KCNQ1: variants seen among roughly 807,000 people sequenced by gnomAD.
KCNQ1 encodes potassium voltage-gated channel subfamily KQT member 1.
A neutral mutation model predicts 72.4 loss-of-function variants in KCNQ1; 49 were observed. The observed-to-expected ratio is 0.68, with a 90% CI of 0.54 to 0.86. KCNQ1 has a LOEUF of 0.86. Ranked by LOEUF, KCNQ1 falls within the 40% of genes least tolerant of loss-of-function variation. The probability of loss-of-function intolerance (pLI) is 0.00; values close to 1 mark genes in which losing one functional copy is unlikely to be tolerated. For synonymous variants in KCNQ1, 450 were observed against 412.6 expected (o/e 1.09, Z -1.10); for missense variants, 790 against 945.1 (o/e 0.84, Z 2.15).
Position 2,654,250 on chromosome 11 carries a change from C to T in KCNQ1, c.1394-7711C>T, listed in dbSNP as rs752705004. ...CCGGATGCCCCTGGGGAGGGCTTCTCCTTCACAGTGCAGGATCCGCAGGGC... is the reference window on the plus strand; with the variant it reads ...CCGGATGCCCCTGGGGAGGGCTTCTTCTTCACAGTGCAGGATCCGCAGGGC... On this transcript the variant is annotated intron_variant, in intron 10 of 15. Coordinates refer to ENST00000155840, the MANE Select transcript of KCNQ1 (RefSeq NM_000218.3). This position sits in a 1 kb window ranked among gnomAD's most constrained non-coding sequence, Gnocchi z 6.4. 4 of 398,690 alleles carry T rather than the reference C, an allele frequency of 1.0e-5. No homozygotes were observed. Among genetic ancestry groups the T allele is most frequent in the Non-Finnish European group, 1.8e-5 (4 of 226,196 alleles). The allele number at this position is 398,690 out of a possible 1,614,324, so 24.7% of individuals were successfully genotyped here. A position where few individuals can be genotyped will look rare whatever the true frequency, so the allele number is the denominator to read the frequency against.
rs926387549 is a variant in KCNQ1 at position 2,766,260 on chromosome 11, C to T, written c.1515-2584C>T. Reference sequence around the variant, plus strand: ...TCTGTTAGCTCACAAATCTATGGGTCAGCAATCTGGGCTGCCCAGTTGGGT... The same window carrying T: ...TCTGTTAGCTCACAAATCTATGGGTTAGCAATCTGGGCTGCCCAGTTGGGT... On this transcript the variant is annotated intron_variant, in intron 11 of 15. Transcript: ENST00000155840. The surrounding 1 kb of genome is among the most constrained non-coding windows in gnomAD (Gnocchi z 4.4). 2.0e-5 allele frequency among the ~76,000 whole-genome samples: 3 copies of T among 152,186 alleles called. No homozygotes were observed. The highest frequency in any genetic ancestry group is 7.2e-5 in the African/African-American group (3 of 41,438).
Position 2,775,980 on chromosome 11 carries a change from T to C in KCNQ1, c.1611T>C (p.Asp537=), listed in dbSNP as rs1590081349. The change falls in exon 13 of 16, where the codon GAT becomes GAC. Residue 537 remains aspartate (D), a synonymous_variant. Transcript: ENST00000155840. ...KKFQQARKPY[D]VRDVIEQYSQ... is the part of the protein sequence containing the mutation. ...CGCAGCAAGCGCGGAAGCCTTACGATGTGCGGGACGTCATTGAGCAGTACT... is the reference window on the plus strand; with the variant it reads ...CGCAGCAAGCGCGGAAGCCTTACGACGTGCGGGACGTCATTGAGCAGTACT... 11 of 1,566,784 alleles carry C rather than the reference T, an allele frequency of 7.0e-6. No homozygotes were observed. The highest frequency in any genetic ancestry group is 9.5e-6 in the Non-Finnish European group (11 of 1,155,768).
Position 2,653,630 on chromosome 11 carries a change from G to A in KCNQ1, c.1394-8331G>A, listed in dbSNP as rs186142696. 96 of 398,558 alleles carry A rather than the reference G, an allele frequency of 2.4e-4. No individual in the cohort carries two copies. The East Asian group carries it at 3.3e-3, about 14-fold the overall frequency. 24.7% of individuals were successfully genotyped at this position (398,558 alleles called of 1,614,324 possible). On this transcript the variant is annotated intron_variant, in intron 10 of 15. Coordinates refer to ENST00000155840, the MANE Select transcript of KCNQ1 (RefSeq NM_000218.3). This position sits in a 1 kb window ranked among gnomAD's most constrained non-coding sequence, Gnocchi z 5.3. ...CCCCATGGGATGGCTGTATCCTTAG[G>A]CAGCTACTTTCTAAAAGGGGCAAAA... is the stretch of plus-strand genomic sequence containing the variant.
In KCNQ1 at chr11:2,694,740, T is replaced by G. The variant is rs1590037470; in HGVS notation, c.1514+32659T>G. On this transcript the variant is annotated intron_variant, in intron 11 of 15. Transcript: ENST00000155840. Reference sequence around the variant, plus strand: ...AAGAGATAGGCAGCCAACAAATAAGTAGATGTCTAAGGAACTAGAAAAGCG... The same window carrying G: ...AAGAGATAGGCAGCCAACAAATAAGGAGATGTCTAAGGAACTAGAAAAGCG... 6 of 398,366 alleles carry G rather than the reference T, an allele frequency of 1.5e-5. No homozygotes were observed. The East Asian group carries it at 1.8e-4, about 12-fold the overall frequency. 24.7% of individuals were successfully genotyped at this position (398,366 alleles called of 1,614,324 possible). A position where few individuals can be genotyped will look rare whatever the true frequency, so the allele number is the denominator to read the frequency against.
At chr11:2,638,973 A>G (rs965326920) in intron 10 of KCNQ1, 2 of 152,136 alleles carry the variant, frequency 1.3e-5, no homozygotes, top group African/African-American at 2.4e-5. Context: ...TTGATCTTCA[A>G]TCACCGATAT....
intron 10 of KCNQ1, chr11:2,609,661 G>C (rs1473237651): frequency 2.5e-6 from 1 of 398,312 alleles, no homozygotes; most frequent in Non-Finnish European, 4.4e-6. Flanking sequence ...CTATTTCTCT[G>C]TTCAGTTCTG....
At chr11:2,814,877 G>A (rs1156916541) in intron 15 of KCNQ1, among the ~76,000 whole-genome samples, 1 of 152,200 alleles carries the variant, frequency 6.6e-6, no homozygotes, top group Non-Finnish European at 1.5e-5. Context: ...TCATCAGAGG[G>A]TACTGTTGGA....
At chr11:2,504,769 G>A (rs114790297) in intron 1 of KCNQ1, among the ~76,000 whole-genome samples, 2,356 of 152,208 alleles carry the variant, frequency 0.015, 59 homozygotes, top group African/African-American at 0.05. Flanking sequence ...TAAATAAGAC[G>A]AAAAGAGTAT....
rs530516812 is a variant in KCNQ1 at position 2,550,881 on chromosome 11, AGG to A, written c.478-19740_478-19739del. On this transcript the variant is annotated intron_variant, in intron 2 of 15. Coordinates refer to ENST00000155840, the MANE Select transcript of KCNQ1 (RefSeq NM_000218.3). The surrounding 1 kb of genome is among the most constrained non-coding windows in gnomAD (Gnocchi z 6.0). ...GGGTGCCTGGGGAGGCTGCCAAGTGAGGGGGGGGCACAGACTGAGACAGGGTC... is the reference window on the plus strand; with the variant it reads ...GGGTGCCTGGGGAGGCTGCCAAGTGAGGGGGGCACAGACTGAGACAGGGTC... Among the ~76,000 whole-genome samples the A allele has an allele frequency of 6.7e-6, 1 of 150,300 alleles. No homozygotes were observed. The highest frequency in any genetic ancestry group is 1.5e-5 in the Non-Finnish European group (1 of 67,472).
Position 2,603,783 on chromosome 11 carries a change from C to T in KCNQ1, c.1393+14929C>T, listed in dbSNP as rs576712640. On this transcript the variant is annotated intron_variant, in intron 10 of 15. Transcript: ENST00000155840. This position sits in a 1 kb window ranked among gnomAD's most constrained non-coding sequence, Gnocchi z 4.1. ...TCGGCTCACTGCAACCTCCGCCTCC[C>T]GGGTTCAAGCAATTCACCCGCCTCA... Among the ~76,000 whole-genome samples, 16 of 152,144 alleles carry T rather than the reference C, an allele frequency of 1.1e-4. 1 individual carries two copies. In the East Asian group the frequency reaches 2.1e-3, roughly 20 times the overall value.
chr11:2,559,448 G>A lies in KCNQ1; in HGVS notation c.478-11180G>A, dbSNP rs965483222. ...GGGAGGGCCAGCCCCTGTGGTTTTA[G>A]CCTCCTGAGAGTCTCCCCAGACAGC... On this transcript the variant is annotated intron_variant, in intron 2 of 15. Transcript: ENST00000155840. This position sits in a 1 kb window ranked among gnomAD's most constrained non-coding sequence, Gnocchi z 4.9. Among the ~76,000 whole-genome samples, 2 of 152,164 alleles carry A rather than the reference G, an allele frequency of 1.3e-5. No individual in the cohort carries two copies. Among genetic ancestry groups the A allele is most frequent in the Admixed American group, 6.5e-5 (1 of 15,288 alleles).
At chr11:2,456,954 A>ACC (rs1246508468) in intron 1 of KCNQ1, among the ~76,000 whole-genome samples, 13 of 139,626 alleles carry the variant, frequency 9.3e-5, no homozygotes, top group African/African-American at 2.9e-4. Context: ...AAAAAAAAAA[A>ACC]AAAAAAAAAA....
chr11:2,692,105 C>T, intron 11 of KCNQ1: 1 of 398,746 alleles, frequency 2.5e-6, no homozygotes, highest in Non-Finnish European at 4.4e-6. Flanking sequence ...CTCTCCACAG[C>T]CTCCATCATT....
At chr11:2,631,727 G>A (rs1039813688) in intron 10 of KCNQ1, 3 of 398,432 alleles carry the variant, frequency 7.5e-6, no homozygotes, top group Non-Finnish European at 1.3e-5. Context: ...GCCCAGATGA[G>A]GATATAATGG....
chr11:2,594,399 A>G (rs2133768986), intron 10 of KCNQ1, among the ~76,000 whole-genome samples: 1 of 152,220 alleles, frequency 6.6e-6, no homozygotes, highest in East Asian at 1.9e-4. Context: ...AAGGTGGTGC[A>G]TTATTTTTAT....
chr11:2,542,350 C>T (rs759595357), intron 2 of KCNQ1, among the ~76,000 whole-genome samples: 1 of 152,244 alleles, frequency 6.6e-6, no homozygotes, highest in South Asian at 2.1e-4. Flanking sequence ...GTGTAAGGGG[C>T]CCCGTGCCCA....
rs570420688 is a variant in KCNQ1 at position 2,669,530 on chromosome 11, A to G, written c.1514+7449A>G. ...CTAATGGTTTGATGTATGTTCGCTG[A>G]ATCCAGGGACAAGGTCTGTCAGGGA... On this transcript the variant is annotated intron_variant, in intron 11 of 15. Transcript: ENST00000155840. The surrounding 1 kb of genome is among the most constrained non-coding windows in gnomAD (Gnocchi z 5.6). The G allele has an allele frequency of 2.5e-4, 101 of 398,640 alleles. No homozygotes were observed. The South Asian group carries it at 8.3e-3, about 33-fold the overall frequency. The allele number at this position is 398,640 out of a possible 1,614,324, so 24.7% of individuals were successfully genotyped here. A position where few individuals can be genotyped will look rare whatever the true frequency, so the allele number is the denominator to read the frequency against.
At chr11:2,557,131 G>T (rs1848084096) in intron 2 of KCNQ1, among the ~76,000 whole-genome samples, 1 of 152,178 alleles carries the variant, frequency 6.6e-6, no homozygotes, top group Admixed American at 6.5e-5. Context: ...CCAAAGAGAG[G>T]CCAAGAAACT....
At chr11:2,751,348 C>T (rs1173466234) in intron 11 of KCNQ1, among the ~76,000 whole-genome samples, 3 of 152,358 alleles carry the variant, frequency 2.0e-5, no homozygotes, top group East Asian at 1.9e-4. Context: ...TCAGCAGAAA[C>T]GGACGCCAGC....
Sources: gnomAD v4.1 joint callset for allele counts (sites outside exome capture counted in the v4.1 genomes callset) on GRCh38, gnomAD v4.1.1 for gene constraint, Gnocchi (gnomAD v3.1) non-coding constraint, MANE v1.5 for transcripts, NCBI Gene and HGNC (gene_info 2026-07-23, HGNC 2026-07-21) for gene names.